PITPNM3: variants seen among roughly 807,000 people sequenced by gnomAD.
The protein encoded by PITPNM3 is membrane-associated phosphatidylinositol transfer protein 3.
In PITPNM3, 26 loss-of-function variants were observed where a neutral mutation model predicts 102.0. The observed-to-expected ratio is 0.25, with a 90% confidence interval of 0.19 to 0.35. The LOEUF (loss-of-function observed/expected upper bound fraction) is 0.35, where lower values mean the gene tolerates loss of function less well. PITPNM3 is among the 10% of genes least tolerant of loss of function. The pLI, the probability that PITPNM3 is intolerant of heterozygous loss-of-function variation, is 1.00. For synonymous variants in PITPNM3, 578 were observed against 558.6 expected (o/e 1.03, Z -0.49); for missense variants, 1,083 against 1,346.1 (o/e 0.80, Z 3.06).
intron 14 of PITPNM3, among the ~76,000 whole-genome samples, chr17:6,465,023 T>C (rs997400450): frequency 3.9e-5 from 6 of 152,172 alleles, no homozygotes; most frequent in African/African-American, 1.4e-4. Context: ...TTCGTGTTTT[T>C]TGTTTGATTG....
In PITPNM3 at chr17:6,533,994, C is replaced by G. The variant is rs890257953; in HGVS notation, c.118+3993G>C. 2.0e-5 allele frequency among the ~76,000 whole-genome samples: 3 copies of G among 152,190 alleles called. No individual in the cohort carries two copies. In the South Asian group the frequency reaches 6.2e-4, roughly 32 times the overall value. On this transcript the variant is annotated intron_variant, in intron 2 of 19. Transcript: ENST00000262483. ...TTGTGTGGCCCTAAACAAGGTTCCC[C>G]AGCCTCCGTTTCCCAGCTTGTAAAG...
chr17:6,546,979 C>G (rs138704762), intron 1 of PITPNM3, among the ~76,000 whole-genome samples: 1 of 151,946 alleles, frequency 6.6e-6, no homozygotes, highest in African/African-American at 2.4e-5. Flanking sequence ...TGCACTCCAG[C>G]CTGGGTGACA....
intron 4 of PITPNM3, among the ~76,000 whole-genome samples, chr17:6,487,749 C>T (rs1469670759): frequency 6.6e-6 from 1 of 152,204 alleles, no homozygotes; most frequent in African/African-American, 2.4e-5. Flanking sequence ...CTGGAGCCAG[C>T]TCCCTCGCGA....
intron 1 of PITPNM3, among the ~76,000 whole-genome samples, chr17:6,542,138 A>G (rs1909763386): frequency 6.6e-6 from 1 of 152,218 alleles, no homozygotes; most frequent in African/African-American, 2.4e-5. Flanking sequence ...AAGGGGCCAG[A>G]GGCCTGCCCC....
intron 4 of PITPNM3, among the ~76,000 whole-genome samples, chr17:6,493,616 G>C (rs1428663604): frequency 6.6e-6 from 1 of 152,186 alleles, no homozygotes; most frequent in Non-Finnish European, 1.5e-5. Context: ...TCCAGAGTCT[G>C]GGGGAGCTGG....
chr17:6,464,457 C>T (rs1364923931), intron 15 of PITPNM3, 139 bp from the exon 16 acceptor site: 1 of 1,128,550 alleles, frequency 8.9e-7, no homozygotes, highest in African/African-American at 1.5e-5. Context: ...CCTCATTTGT[C>T]CTTGGATACT....
chr17:6,534,939 G>T (rs1909334035), intron 2 of PITPNM3, among the ~76,000 whole-genome samples: 1 of 152,108 alleles, frequency 6.6e-6, no homozygotes, highest in African/African-American at 2.4e-5. Flanking sequence ...TACCCAGCTG[G>T]TCTCTGCAGG....
At chr17:6,465,041 GTTTGT>G (rs1444050908) in intron 14 of PITPNM3, among the ~76,000 whole-genome samples, 2 of 152,128 alleles carry the variant, frequency 1.3e-5, no homozygotes, top group African/African-American at 4.8e-5. Flanking sequence ...TTGATTGTTT[GTTTGT>G]TTTGTTTTTT....
In PITPNM3 at chr17:6,453,412, G is replaced by C. The variant is rs1181069787; in HGVS notation, c.*1926C>G. On this transcript the variant is annotated 3_prime_UTR_variant, in exon 20 of 20. Transcript: ENST00000262483. ...TTTGGAAAGCCAAGAACTGTGAAATGTTAAAGGGGGGATGGGCACCTGTGA... is the reference window on the plus strand; with the variant it reads ...TTTGGAAAGCCAAGAACTGTGAAATCTTAAAGGGGGGATGGGCACCTGTGA... 1 of 152,458 alleles carries C rather than the reference G, an allele frequency of 6.6e-6. No homozygotes were observed. The highest frequency in any genetic ancestry group is 1.9e-4 in the East Asian group (1 of 5,180). 9.4% of individuals were successfully genotyped at this position (152,458 alleles called of 1,614,324 possible). A position where few individuals can be genotyped will look rare whatever the true frequency, so the allele number is the denominator to read the frequency against.
chr17:6,454,143 T>C lies in PITPNM3; in HGVS notation c.*1195A>G, dbSNP rs1913979112. The C allele has an allele frequency of 6.6e-6, 1 of 152,266 alleles. No individual in the cohort carries two copies. The highest frequency in any genetic ancestry group is 2.1e-4 in the South Asian group (1 of 4,830). 9.4% of individuals were successfully genotyped at this position (152,266 alleles called of 1,614,324 possible). On this transcript the variant is annotated 3_prime_UTR_variant, in exon 20 of 20. Coordinates refer to ENST00000262483, the MANE Select transcript of PITPNM3 (RefSeq NM_031220.4). Reference sequence around the variant, plus strand: ...CCCTGGAATCTCAGCTCTATGCCTCTGGGAGCCAAAAAGGATAAAAGGGTC... The same window carrying C: ...CCCTGGAATCTCAGCTCTATGCCTCCGGGAGCCAAAAAGGATAAAAGGGTC...
Position 6,478,682 on chromosome 17 carries a change from G to T in PITPNM3, c.642C>A (p.Val214=). The T allele has an allele frequency of 6.2e-7, 1 of 1,609,916 alleles. No homozygotes were observed. Among genetic ancestry groups the T allele is most frequent in the Non-Finnish European group, 8.5e-7 (1 of 1,178,120 alleles). Residue 214 remains valine, a synonymous_variant, in exon 7 of 20, where the codon GTC becomes GTA. Coordinates refer to ENST00000262483, the MANE Select transcript of PITPNM3 (RefSeq NM_031220.4). This position sits in a 1 kb window ranked among gnomAD's most constrained non-coding sequence, Gnocchi z 4.4. ...CCAACAGGGGAAGGGCGGCCAGAGG[G>T]ACGTGGTCCTGGCTGCTGCTGAGGC... The part of the protein sequence containing the change: ...EGCLSSSQDH[V]PLAALPLLAI...
chr17:6,461,558 TG>T lies in PITPNM3; in HGVS notation c.2307-3del, dbSNP rs1382047071. ...ATGTAGCCCAAGTCCTGCCAGTGCC[TG>T]GTGAGATGGCATTAGAAGGGTCCAG... On this transcript the variant is annotated splice_polypyrimidine_tract_variant and splice_region_variant and intron_variant, in intron 17 of 19. Coordinates refer to ENST00000262483, the MANE Select transcript of PITPNM3 (RefSeq NM_031220.4). 6.2e-7 allele frequency: 1 copy of T among 1,614,032 alleles called. No homozygotes were observed. Among genetic ancestry groups the T allele is most frequent in the Non-Finnish European group, 8.5e-7 (1 of 1,179,962 alleles).
intron 1 of PITPNM3, among the ~76,000 whole-genome samples, chr17:6,540,226 T>C (rs1045224650): frequency 1.3e-5 from 2 of 152,206 alleles, no homozygotes; most frequent in Non-Finnish European, 2.9e-5. Context: ...ACAGACACTG[T>C]GTTGGGAACT....
intron 3 of PITPNM3, among the ~76,000 whole-genome samples, chr17:6,522,760 C>G (rs117078374): frequency 6.6e-6 from 1 of 152,134 alleles, no homozygotes; most frequent in African/African-American, 2.4e-5. Flanking sequence ...GAAGAGTTCA[C>G]GGATCTTCCT....
rs931027821 is a variant in PITPNM3 at position 6,471,172 on chromosome 17, C to T, written c.1613G>A (p.Gly538Asp). Residue 538 changes from glycine to aspartate, a missense_variant, in exon 12 of 20, where the codon GGT becomes GAT. Physicochemically the swap from Gly to Asp is moderately conservative, Grantham distance 94. Around this residue, in one of 5 missense-constraint regions of PITPNM3, gnomAD observed 410 missense variants for 638.4 expected, o/e 0.64. Transcript: ENST00000262483. ...SESSDSMAPVGASRITAKWWG... is the reference protein window; with the variant it reads ...SESSDSMAPVDASRITAKWWG... ...AGGACCTCACTCACTGCGGGAGGCA[C>T]CCACGGGTGCCATGCTGTCCGAGGA... is the stretch of plus-strand genomic sequence containing the variant. 20 of 1,612,302 alleles carry T rather than the reference C, an allele frequency of 1.2e-5. No individual in the cohort carries two copies. The East Asian group carries it at 4.0e-4, about 32-fold the overall frequency.
rs199499137 is a variant in PITPNM3 at position 6,453,136 on chromosome 17, TCTC to T, written c.*2199_*2201del. 0.037 allele frequency: 5,556 copies of T among 151,718 alleles called. 93 individuals carry two copies. Among genetic ancestry groups the T allele is most frequent in the South Asian group, 0.054 (257 of 4,780 alleles). 9.4% of individuals were successfully genotyped at this position (151,718 alleles called of 1,614,324 possible). On this transcript the variant is annotated 3_prime_UTR_variant, in exon 20 of 20. Coordinates refer to ENST00000262483, the MANE Select transcript of PITPNM3 (RefSeq NM_031220.4). ...CTCTTTCTCTCTCCCTCTCTCTCTC[TCTC>T]TCTCCCTCTCTCTCTTTCTCTCTCC...
At chr17:6,471,877 G>A (rs1028549645) in intron 11 of PITPNM3, among the ~76,000 whole-genome samples, 10 of 152,266 alleles carry the variant, frequency 6.6e-5, no homozygotes, top group Admixed American at 1.3e-4. Flanking sequence ...CAGCCTAGCC[G>A]ACCTATTGAA....
At position 6,469,977 on chromosome 17, in the gene PITPNM3, A is replaced by C. The variant is rs1022489888; in HGVS notation, c.1773+283T>G. ...GTGGGGAGTGGGAACTGACTACTCC[A>C]GTCTCCAAGTTGAAACACTGGGACA... On this transcript the variant is annotated intron_variant, in intron 13 of 19. Transcript: ENST00000262483. This position sits in a 1 kb window ranked among gnomAD's most constrained non-coding sequence, Gnocchi z 4.0. Among the ~76,000 whole-genome samples the C allele has an allele frequency of 6.6e-6, 1 of 152,014 alleles. No individual in the cohort carries two copies. The highest frequency in any genetic ancestry group is 6.6e-5 in the Admixed American group (1 of 15,248).
Position 6,474,547 on chromosome 17 carries a change from C to T in PITPNM3, c.1143G>A (p.Gln381=). The part of the protein sequence containing the change: ...ESETPAAGGP[Q]LPEVSLGRFD... ...AGCGGCCCAGGCTGACCTCAGGGAG[C>T]TGCGGCCCCCCAGCCGCCGGGGTCT... Residue 381 remains glutamine (Q), a synonymous_variant, in exon 10 of 20, where the codon CAG becomes CAA. Transcript: ENST00000262483. 1 of 1,605,764 alleles carries T rather than the reference C, an allele frequency of 6.2e-7. No individual in the cohort carries two copies. Among genetic ancestry groups the T allele is most frequent in the South Asian group, 1.1e-5 (1 of 89,854 alleles).
Sources: gnomAD v4.1 joint callset for allele counts (sites outside exome capture counted in the v4.1 genomes callset) on GRCh38, gnomAD v4.1.1 for gene constraint, gnomAD v4.1.1 regional missense constraint, Gnocchi (gnomAD v3.1) non-coding constraint, MANE v1.5 for transcripts, NCBI Gene and HGNC (gene_info 2026-07-23, HGNC 2026-07-21) for gene names.